PDE4B: variants seen among roughly 807,000 people sequenced by gnomAD.
The protein encoded by PDE4B is 3',5'-cyclic-AMP phosphodiesterase 4B.
In PDE4B, 20 loss-of-function variants were observed where a neutral mutation model predicts 82.2. The ratio of observed to expected loss-of-function variants is 0.24; its 90% CI spans 0.17 to 0.35. The LOEUF (loss-of-function observed/expected upper bound fraction) is 0.35, where lower values mean the gene tolerates loss of function less well. PDE4B is among the 10% of genes least tolerant of loss of function. The pLI, the probability that PDE4B is intolerant of heterozygous loss-of-function variation, is 1.00. For missense variants in PDE4B, 655 were observed against 907.2 expected (o/e 0.72, Z 3.57); for synonymous variants, 320 against 318.9 (o/e 1.00, Z -0.04).
chr1:66,216,596 T>C (rs1427056500), intron 3 of PDE4B, among the ~76,000 whole-genome samples: 2 of 152,308 alleles, frequency 1.3e-5, no homozygotes, highest in East Asian at 1.9e-4. Flanking sequence ...AAGCACATCA[T>C]ATTATTAGAC....
intron 8 of PDE4B, among the ~76,000 whole-genome samples, chr1:66,333,355 A>C (rs1010282239): frequency 6.6e-6 from 1 of 152,178 alleles, no homozygotes; most frequent in African/African-American, 2.4e-5. Context: ...CTGGACTTAG[A>C]ATGCTAATTT....
intron 3 of PDE4B, among the ~76,000 whole-genome samples, chr1:65,983,470 A>T (rs964817497): frequency 6.6e-6 from 1 of 152,196 alleles, no homozygotes; most frequent in Non-Finnish European, 1.5e-5. Context: ...TCAGAAAGTG[A>T]CCTATTTTGG....
At chr1:65,977,686 T>C (rs925738323) in intron 3 of PDE4B, among the ~76,000 whole-genome samples, 15 of 152,250 alleles carry the variant, frequency 9.9e-5, no homozygotes, top group African/African-American at 3.6e-4. Flanking sequence ...TGTTGTTACA[T>C]ATTCTAATCT....
intron 3 of PDE4B, among the ~76,000 whole-genome samples, chr1:66,223,120 G>C (rs748048216): frequency 6.6e-6 from 1 of 152,064 alleles, no homozygotes; most frequent in Non-Finnish European, 1.5e-5. Flanking sequence ...AGCAAAAACC[G>C]ACAAGGTTTC....
At chr1:65,831,591 A>G (rs1646082189) in intron 1 of PDE4B, among the ~76,000 whole-genome samples, 1 of 152,206 alleles carries the variant, frequency 6.6e-6, no homozygotes, top group South Asian at 2.1e-4. Context: ...TCTATGAAAC[A>G]TTTAGGATAA....
intron 3 of PDE4B, among the ~76,000 whole-genome samples, chr1:66,210,267 T>C (rs1411400332): frequency 6.6e-6 from 1 of 152,120 alleles, no homozygotes; most frequent in Non-Finnish European, 1.5e-5. Context: ...GCTTCTCAGT[T>C]CCAAGCAACT....
chr1:66,200,500 T>C lies in PDE4B; in HGVS notation c.282-46960T>C, dbSNP rs146992873. 8.4e-3 allele frequency among the ~76,000 whole-genome samples: 1,274 copies of C among 152,314 alleles called. 25 individuals are homozygous for C. The highest frequency in any genetic ancestry group is 0.029 in the African/African-American group (1,197 of 41,554). ...TGAGCATGGAATGTTCTTCCATTTGTTTGTATCCTCTTTTATTTCATTGAG... is the reference window on the plus strand; with the variant it reads ...TGAGCATGGAATGTTCTTCCATTTGCTTGTATCCTCTTTTATTTCATTGAG... On this transcript the variant is annotated intron_variant, in intron 3 of 16. Coordinates refer to ENST00000341517, the MANE Select transcript of PDE4B (RefSeq NM_002600.4).
chr1:66,137,828 C>G (rs1366200272), intron 3 of PDE4B, among the ~76,000 whole-genome samples: 3 of 152,206 alleles, frequency 2.0e-5, no homozygotes, highest in African/African-American at 7.2e-5. Flanking sequence ...TTAACATTTA[C>G]TGAATATCTA....
intron 3 of PDE4B, among the ~76,000 whole-genome samples, chr1:66,001,572 G>A (rs892136426): frequency 1.3e-5 from 2 of 152,146 alleles, no homozygotes; most frequent in East Asian, 3.9e-4. Context: ...TCAAAATTTG[G>A]ATTTCCAGTC....
At chr1:66,030,036 G>GTT (rs1427643519) in intron 3 of PDE4B, among the ~76,000 whole-genome samples, 6 of 30,486 alleles carry the variant, frequency 2.0e-4, no homozygotes, top group Admixed American at 1.3e-3. Flanking sequence ...ATCTGTTGAG[G>GTT]GTTTTTTTTT....
intron 1 of PDE4B, among the ~76,000 whole-genome samples, chr1:65,888,349 G>A (rs1178096300): frequency 6.6e-6 from 1 of 152,186 alleles, no homozygotes; most frequent in Non-Finnish European, 1.5e-5. Flanking sequence ...AGTTATGACA[G>A]TCTTGTAATA....
At chr1:65,982,962 A>G (rs1448184598) in intron 3 of PDE4B, among the ~76,000 whole-genome samples, 1 of 152,196 alleles carries the variant, frequency 6.6e-6, no homozygotes, top group Non-Finnish European at 1.5e-5. Context: ...CCTTGGTTTC[A>G]GAGGGCAGGT....
At chr1:66,081,126 T>C (rs910311913) in intron 3 of PDE4B, among the ~76,000 whole-genome samples, 2 of 152,170 alleles carry the variant, frequency 1.3e-5, no homozygotes, top group Non-Finnish European at 2.9e-5. Flanking sequence ...GCTTTCTCCA[T>C]GGTCTTTTGC....
intron 3 of PDE4B, among the ~76,000 whole-genome samples, chr1:66,085,766 C>T (rs1305084620): frequency 6.6e-6 from 1 of 152,088 alleles, no homozygotes; most frequent in Non-Finnish European, 1.5e-5. Flanking sequence ...CACGAAGATC[C>T]AGGGCATGCA....
intron 3 of PDE4B, among the ~76,000 whole-genome samples, chr1:66,189,889 C>G (rs1413560072): frequency 6.6e-6 from 1 of 152,202 alleles, no homozygotes; most frequent in African/African-American, 2.4e-5. Context: ...AGCTGCATTC[C>G]TTTGGAGGAG....
At chr1:66,198,597 TTTTTA>T (rs1265402489) in intron 3 of PDE4B, among the ~76,000 whole-genome samples, 1 of 152,136 alleles carries the variant, frequency 6.6e-6, no homozygotes, top group Non-Finnish European at 1.5e-5. Flanking sequence ...TTCTCCTGTG[TTTTTA>T]TTTTATTTTA....
rs146947689 is a variant in PDE4B at position 66,090,621 on chromosome 1, A to ATGTGTGTGTGTGTGTGTGTGTG, written c.282-156820_282-156819insGTGTGTGTGTGTGTGTGTGTGT. Among the ~76,000 whole-genome samples, 73 of 122,730 alleles carry ATGTGTGTGTGTGTGTGTGTGTG rather than the reference A, an allele frequency of 5.9e-4. 1 individual carries two copies. The East Asian group carries it at 9.4e-3, about 16-fold the overall frequency. The allele number at this position is 122,730 out of a possible 152,430, so 80.5% of individuals were successfully genotyped here. ...TTATATATATATATGTATATAATATATGTGTGTGTGTGTGTGTGTATGTAC... is the reference window on the plus strand; with the variant it reads ...TTATATATATATATGTATATAATATATGTGTGTGTGTGTGTGTGTGTGTGTGTGTGTGTGTGTGTGTATGTAC... On this transcript the variant is annotated intron_variant, in intron 3 of 16. Coordinates refer to ENST00000341517, the MANE Select transcript of PDE4B (RefSeq NM_002600.4).
chr1:66,360,803 T>C (rs1202940329), intron 9 of PDE4B: 3 of 152,174 alleles, frequency 2.0e-5, no homozygotes, highest in Admixed American at 6.5e-5. Flanking sequence ...ACTTTTTTTT[T>C]CACTAATCCT....
chr1:66,340,972 G>C (rs1315578514), intron 8 of PDE4B, among the ~76,000 whole-genome samples: 1 of 152,132 alleles, frequency 6.6e-6, no homozygotes, highest in Non-Finnish European at 1.5e-5. Context: ...GATGAAATTT[G>C]ATAAATCAAA....
Sources: allele counts gnomAD v4.1 joint callset (sites outside exome capture counted in the v4.1 genomes callset), GRCh38; gene constraint gnomAD v4.1.1; transcripts MANE v1.5; gene names NCBI Gene and HGNC (gene_info 2026-07-23, HGNC 2026-07-21).